The following DNAJC15 variants were observed in gnomAD, a reference collection of about 807,000 sequenced individuals.
The protein encoded by DNAJC15 is dnaJ homolog subfamily C member 15.
Under a neutral mutation model 22.4 loss-of-function variants are expected in DNAJC15, and 27 were observed. That is an observed-to-expected ratio of 1.20 (90% CI 0.89 to 1.66). The LOEUF (loss-of-function observed/expected upper bound fraction) is 1.66, where lower values mean the gene tolerates loss of function less well. DNAJC15 is among the 40% of genes most tolerant of loss of function. The pLI, the probability that DNAJC15 is intolerant of heterozygous loss-of-function variation, is 0.00. For missense variants in DNAJC15, 208 were observed against 187.1 expected (o/e 1.11, Z -0.65); for synonymous variants, 79 against 63.2 (o/e 1.25, Z -1.19).
intron 1 of DNAJC15, among the ~76,000 whole-genome samples, chr13:43,052,844 T>A (rs917069461): frequency 1.3e-5 from 2 of 152,232 alleles, no homozygotes; most frequent in African/African-American, 4.8e-5. Context: ...CTCTGTGGGT[T>A]GTTTATTCTG....
chr13:43,080,605 C>T (rs1192412809), intron 4 of DNAJC15, among the ~76,000 whole-genome samples: 2 of 152,202 alleles, frequency 1.3e-5, no homozygotes, highest in Non-Finnish European at 2.9e-5. Context: ...GTCGCTTAGG[C>T]GCTGCCCTGT....
rs930613678 is a variant in DNAJC15, at chr13:43,034,464, C to T, written c.108+10730C>T. ...CTGAGTAGCTGGGACTACAGGTGCCCACCACCGCGCCCGGCTAATTTTTTG... is the reference window on the plus strand; with the variant it reads ...CTGAGTAGCTGGGACTACAGGTGCCTACCACCGCGCCCGGCTAATTTTTTG... On this transcript the variant is annotated intron_variant, in intron 1 of 5. Coordinates refer to ENST00000379221, the MANE Select transcript of DNAJC15 (RefSeq NM_013238.3). 3.2e-3 allele frequency among the ~76,000 whole-genome samples: 470 copies of T among 148,834 alleles called. No homozygotes were observed. In the East Asian group the frequency reaches 0.052, roughly 17 times the overall value.
chr13:43,112,217 G>T lies in DNAJC15; in HGVS notation c.*4969G>T, dbSNP rs1430882536. ...ATTAAAAACCCTGCTCAATTGAAATGCAAGTTCATTAAGTAATCTTCATTT... is the reference window on the plus strand; with the variant it reads ...ATTAAAAACCCTGCTCAATTGAAATTCAAGTTCATTAAGTAATCTTCATTT... On this transcript the variant is annotated 3_prime_UTR_variant, in exon 6 of 6. Coordinates refer to ENST00000379221, the MANE Select transcript of DNAJC15 (RefSeq NM_013238.3). 3.9e-5 allele frequency: 6 copies of T among 152,336 alleles called. No individual in the cohort carries two copies. In the East Asian group the frequency reaches 9.6e-4, roughly 24 times the overall value. 9.4% of individuals were successfully genotyped at this position (152,336 alleles called of 1,614,324 possible).
chr13:43,103,336 T>C (rs74628970), intron 5 of DNAJC15, among the ~76,000 whole-genome samples: 1 of 152,252 alleles, frequency 6.6e-6, no homozygotes, highest in Admixed American at 6.5e-5. Context: ...AAAATGAAAT[T>C]ATGAGAAAAT....
intron 1 of DNAJC15, among the ~76,000 whole-genome samples, chr13:43,055,701 TTTG>T (rs1030494302): frequency 4.6e-5 from 7 of 152,304 alleles, no homozygotes; most frequent in South Asian, 2.1e-4. Flanking sequence ...TCACTTTTGT[TTTG>T]TTGTTGTTGC....
chr13:43,091,242 G>A (rs1013384442), intron 5 of DNAJC15, among the ~76,000 whole-genome samples: 6 of 151,930 alleles, frequency 3.9e-5, no homozygotes, highest in African/African-American at 9.7e-5. Context: ...GTGCCACCAC[G>A]CCTGGCTAAT....
chr13:43,094,625 T>A (rs1160617595), intron 5 of DNAJC15, among the ~76,000 whole-genome samples: 1 of 152,216 alleles, frequency 6.6e-6, no homozygotes, highest in East Asian at 1.9e-4. Context: ...TTTCAGAAAC[T>A]TTCTACTTTG....
intron 5 of DNAJC15, among the ~76,000 whole-genome samples, chr13:43,101,408 T>C (rs754723385): frequency 6.6e-5 from 10 of 152,230 alleles, no homozygotes; most frequent in Non-Finnish European, 1.3e-4. Context: ...TTTAGTGTTA[T>C]GATTTATTAT....
rs2040814604 is a variant in DNAJC15 at position 43,109,530 on chromosome 13, G to A, written c.*2282G>A. The stretch of plus-strand genomic sequence containing the variant: ...CCATACTTTATTCATGAGAATTTGA[G>A]TCACCCCAGCATTAGCTTGGAATTT... On this transcript the variant is annotated 3_prime_UTR_variant, in exon 6 of 6. Transcript: ENST00000379221. 1 of 152,142 alleles carries A rather than the reference G, an allele frequency of 6.6e-6. No individual in the cohort carries two copies. The highest frequency in any genetic ancestry group is 2.1e-4 in the South Asian group (1 of 4,822). 9.4% of individuals were successfully genotyped at this position (152,142 alleles called of 1,614,324 possible).
chr13:43,042,718 C>T (rs1036651476), intron 1 of DNAJC15, among the ~76,000 whole-genome samples: 4 of 152,002 alleles, frequency 2.6e-5, no homozygotes, highest in Admixed American at 2.0e-4. Flanking sequence ...ATTCTTGAGG[C>T]AGTATTTCTT....
At chr13:43,056,707 A>C (rs764861385) in intron 1 of DNAJC15, among the ~76,000 whole-genome samples, 1 of 152,084 alleles carries the variant, frequency 6.6e-6, no homozygotes, top group Admixed American at 6.5e-5. Flanking sequence ...TGTTAGGTAC[A>C]TATATATCTG....
intron 1 of DNAJC15, among the ~76,000 whole-genome samples, chr13:43,025,132 A>G (rs2040374986): frequency 6.6e-6 from 1 of 152,122 alleles, no homozygotes; most frequent in African/African-American, 2.4e-5. Context: ...CATCCCTGGT[A>G]AGTGGCAGAT....
In DNAJC15 at chr13:43,106,208, C is replaced by T; in HGVS notation, c.383-970C>T. ...AGCTACTGAGACCTTATGATATTTTCAGCAGCTATAGATGGTTTGCACTTA... is the reference window on the plus strand; with the variant it reads ...AGCTACTGAGACCTTATGATATTTTTAGCAGCTATAGATGGTTTGCACTTA... On this transcript the variant is annotated intron_variant, in intron 5 of 5. Coordinates refer to ENST00000379221, the MANE Select transcript of DNAJC15 (RefSeq NM_013238.3). Among the ~76,000 whole-genome samples the T allele has an allele frequency of 1.3e-5, 2 of 152,118 alleles. 1 individual carries two copies. The highest frequency in any genetic ancestry group is 3.8e-4 in the East Asian group (2 of 5,196).
At chr13:43,039,820 A>C (rs1004818532) in intron 1 of DNAJC15, among the ~76,000 whole-genome samples, 4 of 152,174 alleles carry the variant, frequency 2.6e-5, no homozygotes, top group Non-Finnish European at 5.9e-5. Context: ...GTTCAAAATG[A>C]CCAGCCTGGC....
At chr13:43,039,039 C>T (rs1382740667) in intron 1 of DNAJC15, among the ~76,000 whole-genome samples, 1 of 152,072 alleles carries the variant, frequency 6.6e-6, no homozygotes, top group East Asian at 1.9e-4. Context: ...TGTGAGCTCA[C>T]ACTGGAAAAA....
chr13:43,084,517 ATCCATGC>A (rs1187658024), intron 4 of DNAJC15, among the ~76,000 whole-genome samples: 1 of 152,224 alleles, frequency 6.6e-6, no homozygotes, highest in Non-Finnish European at 1.5e-5. Flanking sequence ...GTTGTGGTTC[ATCCATGC>A]AAATTAAATT....
At chr13:43,042,613 G>A (rs1269996934) in intron 1 of DNAJC15, among the ~76,000 whole-genome samples, 1 of 152,204 alleles carries the variant, frequency 6.6e-6, no homozygotes, top group African/African-American at 2.4e-5. Context: ...ATGTCATGGT[G>A]CCACATAAGG....
intron 1 of DNAJC15, among the ~76,000 whole-genome samples, chr13:43,051,356 C>T (rs1038780892): frequency 6.6e-6 from 1 of 152,088 alleles, no homozygotes; most frequent in Non-Finnish European, 1.5e-5. Context: ...GTGGTGACAT[C>T]TGAGATTTTA....
chr13:43,104,441 A>T (rs957141284), intron 5 of DNAJC15, among the ~76,000 whole-genome samples: 9 of 152,098 alleles, frequency 5.9e-5, no homozygotes, highest in African/African-American at 2.2e-4. Context: ...GTGCTTTTAT[A>T]CTGATGTGTT....
Sources: allele counts gnomAD v4.1 joint callset (sites outside exome capture counted in the v4.1 genomes callset), GRCh38; gene constraint gnomAD v4.1.1; transcripts MANE v1.5; gene names NCBI Gene and HGNC (gene_info 2026-07-23, HGNC 2026-07-21).